Variants in LGSN observed in about 807,000 individuals in gnomAD.
LGSN encodes lengsin.
LGSN carries 21 observed loss-of-function variants against 19.5 expected under a neutral mutation model. The ratio of observed to expected loss-of-function variants is 1.07; its 90% CI spans 0.76 to 1.55. The LOEUF (loss-of-function observed/expected upper bound fraction) is 1.55, where lower values mean the gene tolerates loss of function less well. Among genes scored for constraint, LGSN ranks in the 40% most tolerant of loss-of-function variants. The pLI is 0.00. For synonymous variants in LGSN, 257 were observed against 215.6 expected, an observed-to-expected ratio of 1.19 and a Z score of -1.68; for missense variants, 673 against 608.5, an observed-to-expected ratio of 1.11 and a Z score of -1.12.
the LGSN span, among the ~76,000 whole-genome samples, chr6:63,466,327 G>GT: frequency 2.0e-5 from 3 of 152,128 alleles, no homozygotes; most frequent in African/African-American, 7.2e-5. Context: ...TGGTGCAATC[G>GT]TAACTCACTG....
At chr6:63,474,987 A>C in the LGSN span, among the ~76,000 whole-genome samples, 1 of 152,174 alleles carries the variant, frequency 6.6e-6, no homozygotes, top group Non-Finnish European at 1.5e-5. Flanking sequence ...TGTGGAAATA[A>C]TAATTATTCC....
the LGSN span, among the ~76,000 whole-genome samples, chr6:63,340,836 G>GTTTTTT: frequency 2.9e-3 from 428 of 146,272 alleles, 3 homozygotes; most frequent in African/African-American, 0.01. Flanking sequence ...GCTTTTTATG[G>GTTTTTT]TTTGTGTGTG....
the LGSN span, among the ~76,000 whole-genome samples, chr6:63,544,486 T>C: frequency 1.3e-5 from 2 of 151,638 alleles, no homozygotes; most frequent in Non-Finnish European, 2.9e-5. Flanking sequence ...TTAGCATCAA[T>C]ACAATAGTCT....
chr6:63,572,126 T>C, the LGSN span: 1 of 152,348 alleles, frequency 6.6e-6, no homozygotes, highest in African/African-American at 2.4e-5. Flanking sequence ...TCATGTGACA[T>C]GTGTGCACTC....
chr6:63,441,857 G>A, the LGSN span: 1 of 297,404 alleles, frequency 3.4e-6, no homozygotes, highest in South Asian at 3.2e-5. Flanking sequence ...TGCTTGTCAG[G>A]TGACACAGCT....
At chr6:63,432,158 A>G in the LGSN span, among the ~76,000 whole-genome samples, 23 of 115,194 alleles carry the variant, frequency 2.0e-4, no homozygotes, top group Admixed American at 7.9e-4. Flanking sequence ...AGAAAGAAAG[A>G]AAGAAAGAAA....
At chr6:63,458,212 C>A in the LGSN span, among the ~76,000 whole-genome samples, 1 of 152,096 alleles carries the variant, frequency 6.6e-6, no homozygotes, top group Non-Finnish European at 1.5e-5. Context: ...GGATTACAGG[C>A]ATGTGCCCCC....
chr6:63,563,212 A>G, the LGSN span, among the ~76,000 whole-genome samples: 1 of 152,148 alleles, frequency 6.6e-6, no homozygotes, highest in Non-Finnish European at 1.5e-5. Flanking sequence ...CTTAAAACAA[A>G]TTTCCTGATA....
the LGSN span, among the ~76,000 whole-genome samples, chr6:63,417,222 C>A: frequency 6.6e-6 from 1 of 152,126 alleles, no homozygotes; most frequent in Non-Finnish European, 1.5e-5. Flanking sequence ...TTCCCCCCAG[C>A]TGCAGCAATT....
chr6:63,347,483 A>G, the LGSN span, among the ~76,000 whole-genome samples: 5 of 152,234 alleles, frequency 3.3e-5, no homozygotes, highest in Non-Finnish European at 7.3e-5. Flanking sequence ...GTTCAGACAT[A>G]TAATTTCAAG....
At chr6:63,281,306 T>C (rs567550469) in intron 3 of LGSN, 86 bp from the exon 4 acceptor site, 1 of 143,910 alleles carries the variant, frequency 6.9e-6, no homozygotes, top group Admixed American at 7.2e-5. Context: ...CTAATGAAAA[T>C]ATATATATAT....
the LGSN span, among the ~76,000 whole-genome samples, chr6:63,352,301 T>G: frequency 6.6e-6 from 1 of 151,956 alleles, no homozygotes; most frequent in African/African-American, 2.4e-5. Context: ...TTGTTTTGTA[T>G]TCTTTCTATT....
chr6:63,467,057 C>G, the LGSN span, among the ~76,000 whole-genome samples: 1 of 151,864 alleles, frequency 6.6e-6, no homozygotes, highest in East Asian at 1.9e-4. Flanking sequence ...AAATTCAGGT[C>G]GGAGGACTGA....
the LGSN span, among the ~76,000 whole-genome samples, chr6:63,394,172 G>A: frequency 6.6e-6 from 1 of 152,172 alleles, no homozygotes; most frequent in African/African-American, 2.4e-5. Flanking sequence ...GCTGAGGCAA[G>A]AGAATCACTT....
the LGSN span, among the ~76,000 whole-genome samples, chr6:63,434,508 C>T: frequency 1.3e-5 from 2 of 148,622 alleles, no homozygotes; most frequent in African/African-American, 5.0e-5. Flanking sequence ...TCTGTAATCC[C>T]AGCACTTTGT....
the LGSN span, among the ~76,000 whole-genome samples, chr6:63,411,664 C>A: frequency 1.3e-5 from 2 of 152,048 alleles, no homozygotes; most frequent in Admixed American, 6.6e-5. Context: ...CATGGTCAGA[C>A]TCTGAGTCTA....
chr6:63,438,743 T>C, the LGSN span, among the ~76,000 whole-genome samples: 8 of 152,238 alleles, frequency 5.3e-5, no homozygotes, highest in Non-Finnish European at 1.2e-4. Flanking sequence ...AGGAACACTT[T>C]ACACTGTTGG....
the LGSN span, among the ~76,000 whole-genome samples, chr6:63,377,331 G>A: frequency 8.5e-3 from 1,293 of 152,284 alleles, 71 homozygotes; most frequent in East Asian, 0.15. Context: ...AATGGGGGTT[G>A]GTAACCATCA....
At chr6:63,379,983 G>A in the LGSN span, among the ~76,000 whole-genome samples, 42 of 151,678 alleles carry the variant, frequency 2.8e-4, no homozygotes, top group African/African-American at 7.7e-4. Context: ...GATTACAGGC[G>A]CCTGCCACTA....
Sources: gnomAD v4.1 joint callset for allele counts (sites outside exome capture counted in the v4.1 genomes callset) on GRCh38, gnomAD v4.1.1 for gene constraint, MANE v1.5 for transcripts, NCBI Gene and HGNC (gene_info 2026-07-23, HGNC 2026-07-21) for gene names.